Variants in NRG1 observed in about 807,000 individuals in gnomAD.
The protein encoded by NRG1 is neuregulin 1.
In NRG1, 18 loss-of-function variants were observed where a neutral mutation model predicts 63.8. The ratio of observed to expected loss-of-function variants is 0.28; its 90% CI spans 0.19 to 0.42. NRG1 has a LOEUF of 0.42. NRG1 is among the 10% of genes least tolerant of loss of function. The pLI, the probability that NRG1 is intolerant of heterozygous loss-of-function variation, is 1.00. For synonymous variants in NRG1, 302 were observed against 301.3 expected (o/e 1.00, Z -0.02); for missense variants, 762 against 814.7 (o/e 0.94, Z 0.79).
intron 1 of NRG1, among the ~76,000 whole-genome samples, chr8:32,239,476 A>G (rs1003558463): frequency 6.6e-6 from 1 of 152,100 alleles, no homozygotes; most frequent in African/African-American, 2.4e-5. Context: ...GAACTTCTAG[A>G]CTTGATACTA....
chr8:31,788,257 A>T (rs1820371238), intron 1 of NRG1, among the ~76,000 whole-genome samples: 1 of 152,152 alleles, frequency 6.6e-6, no homozygotes, highest in African/African-American at 2.4e-5. Flanking sequence ...TGAGGTACAC[A>T]TATTTAGGCT....
chr8:32,605,616 G>T, exon 3 of NRG1: 2 of 1,613,538 alleles, frequency 1.2e-6, no homozygotes, highest in South Asian at 2.2e-5. Flanking sequence ...GAGAGTATAT[G>T]TGCAAAGTGA....
intron 1 of NRG1, among the ~76,000 whole-genome samples, chr8:32,429,508 T>C (rs139314970): frequency 2.2e-3 from 328 of 152,342 alleles, no homozygotes; most frequent in African/African-American, 7.2e-3. Context: ...CGCAAATATG[T>C]ATATTTCTAA....
chr8:31,756,971 A>G (rs1049767463), intron 1 of NRG1, among the ~76,000 whole-genome samples: 5 of 152,158 alleles, frequency 3.3e-5, no homozygotes, highest in African/African-American at 9.7e-5. Flanking sequence ...GTTGAAGACA[A>G]GGGGCCAGAC....
At chr8:32,271,320 A>G (rs186642699) in intron 1 of NRG1, among the ~76,000 whole-genome samples, 1 of 152,264 alleles carries the variant, frequency 6.6e-6, no homozygotes, top group East Asian at 1.9e-4. Context: ...AACAGAGTAA[A>G]TTATTTAAGA....
chr8:32,148,065 G>A (rs1837093153), intron 1 of NRG1, among the ~76,000 whole-genome samples: 1 of 152,010 alleles, frequency 6.6e-6, no homozygotes, highest in African/African-American at 2.4e-5. Flanking sequence ...TTGTTATTAT[G>A]TGCAATAATA....
chr8:32,368,501 A>G (rs570443975), intron 1 of NRG1, among the ~76,000 whole-genome samples: 4 of 152,316 alleles, frequency 2.6e-5, no homozygotes, highest in Non-Finnish European at 4.4e-5. Flanking sequence ...GGAGCACGCT[A>G]TGATCATGCC....
At chr8:32,717,222 G>C (rs1025906674) in intron 5 of NRG1, among the ~76,000 whole-genome samples, 1 of 152,128 alleles carries the variant, frequency 6.6e-6, no homozygotes, top group East Asian at 1.9e-4. Flanking sequence ...AGCTAGTCCT[G>C]GTTTTGGGTG....
At chr8:32,550,542 C>A (rs1268017942) in intron 1 of NRG1, among the ~76,000 whole-genome samples, 1 of 152,126 alleles carries the variant, frequency 6.6e-6, no homozygotes, top group Non-Finnish European at 1.5e-5. Context: ...AAGGGGCCAG[C>A]GGTCTGAAGT....
intron 1 of NRG1, among the ~76,000 whole-genome samples, chr8:31,795,221 G>C (rs1022869855): frequency 1.3e-5 from 2 of 152,140 alleles, no homozygotes; most frequent in African/African-American, 4.8e-5. Context: ...CACAGTAAAA[G>C]ATAAGATTTC....
intron 1 of NRG1, among the ~76,000 whole-genome samples, chr8:32,407,702 G>C (rs1401955944): frequency 6.6e-6 from 1 of 152,138 alleles, no homozygotes; most frequent in African/African-American, 2.4e-5. Flanking sequence ...CTCGCTGAAA[G>C]TATCAGGCAA....
intron 4 of NRG1, 124 bp downstream of exon 4, chr8:32,614,688 C>T: frequency 3.6e-6 from 3 of 843,558 alleles, no homozygotes; most frequent in Non-Finnish European, 5.7e-6. Context: ...TTTTCTGCTT[C>T]AATATTTTTC....
chr8:32,684,688 A>T (rs1162012819), intron 5 of NRG1, among the ~76,000 whole-genome samples: 1 of 152,090 alleles, frequency 6.6e-6, no homozygotes, highest in Non-Finnish European at 1.5e-5. Flanking sequence ...CTACTTCTCA[A>T]ATTTGAACAG....
chr8:32,730,214 G>A lies in NRG1; in HGVS notation c.632+2136G>A, dbSNP rs570378790. ...TGTAATCTCAACACTTTAAGAGGCC[G>A]AGGCAGACGGATCTCTTGAGCCCAG... On this transcript the variant is annotated intron_variant, in intron 6 of 11. Transcript: ENST00000356819. Among the ~76,000 whole-genome samples the A allele has an allele frequency of 7.2e-5, 11 of 152,252 alleles. 1 individual carries two copies. Among genetic ancestry groups the A allele is most frequent in the East Asian group, 1.9e-4 (1 of 5,174 alleles).
At chr8:32,298,303 C>G (rs1855133695) in intron 1 of NRG1, among the ~76,000 whole-genome samples, 1 of 152,184 alleles carries the variant, frequency 6.6e-6, no homozygotes. Context: ...GATACTGAAT[C>G]AAGGCCTGGC....
intron 1 of NRG1, among the ~76,000 whole-genome samples, chr8:32,261,547 A>T (rs999447061): frequency 1.3e-5 from 2 of 151,990 alleles, no homozygotes; most frequent in Admixed American, 6.6e-5. Context: ...TTCTTTTTTG[A>T]GTTCTGTCTG....
At chr8:31,837,417 G>A (rs1268734168) in intron 1 of NRG1, among the ~76,000 whole-genome samples, 1 of 151,902 alleles carries the variant, frequency 6.6e-6, no homozygotes, top group Admixed American at 6.6e-5. Context: ...GGTTTACCAT[G>A]TGATGTCCTA....
rs1489301197 is a variant in NRG1 at position 31,988,246 on chromosome 8, TG to T, written c.37+348817del. ...GGTGTGCCACAGACAATTGGGTTAATGGTTGTAACTGGTTAATTGATTGACA... is the reference window on the plus strand; with the variant it reads ...GGTGTGCCACAGACAATTGGGTTAATGTTGTAACTGGTTAATTGATTGACA... On this transcript the variant is annotated intron_variant, in intron 1 of 10. Coordinates refer to the NRG1 transcript ENST00000519301. Among the ~76,000 whole-genome samples the T allele has an allele frequency of 2.0e-5, 3 of 152,152 alleles. No homozygotes were observed. In the East Asian group the frequency reaches 5.8e-4, roughly 29 times the overall value.
chr8:32,772,737 A>G (rs1831892535), downstream of NRG1, among the ~76,000 whole-genome samples: 1 of 152,056 alleles, frequency 6.6e-6, no homozygotes, highest in African/African-American at 2.4e-5. Context: ...GGCTTCCTTG[A>G]TTTGTACTTT....
Sources: gnomAD v4.1 joint callset for allele counts (sites outside exome capture counted in the v4.1 genomes callset) on GRCh38, gnomAD v4.1.1 for gene constraint, MANE v1.5 for transcripts, NCBI Gene and HGNC (gene_info 2026-07-23, HGNC 2026-07-21) for gene names.